Variants in IMMP2L observed in about 807,000 individuals in gnomAD.
IMMP2L encodes the protein inner mitochondrial membrane peptidase subunit 2.
Under a neutral mutation model 19.3 loss-of-function variants are expected in IMMP2L, and 18 were observed. The ratio of observed to expected loss-of-function variants is 0.93; its 90% CI spans 0.64 to 1.38. The LOEUF is 1.38. Among genes scored for constraint, IMMP2L ranks in the 40% most tolerant of loss-of-function variants. The pLI, the probability that IMMP2L is intolerant of heterozygous loss-of-function variation, is 0.00. For missense variants in IMMP2L, 233 were observed against 218.2 expected (o/e 1.07, Z -0.43); for synonymous variants, 76 against 73.0 (o/e 1.04, Z -0.21).
intron 4 of IMMP2L, among the ~76,000 whole-genome samples, chr7:110,961,954 A>C (rs963723651): frequency 6.6e-6 from 1 of 151,920 alleles, no homozygotes; most frequent in African/African-American, 2.4e-5. Flanking sequence ...GAACTTTTGA[A>C]GGTAACAGGT....
intron 5 of IMMP2L, among the ~76,000 whole-genome samples, chr7:110,754,406 C>A (rs1797919137): frequency 6.6e-6 from 1 of 151,988 alleles, no homozygotes; most frequent in African/African-American, 2.4e-5. Context: ...GTTTTTCTAT[C>A]TATGAATTGT....
chr7:110,743,420 A>G (rs1044872717), intron 5 of IMMP2L, among the ~76,000 whole-genome samples: 5 of 152,242 alleles, frequency 3.3e-5, no homozygotes, highest in African/African-American at 1.2e-4. Context: ...AGTTAATAAA[A>G]ATAAGATGTG....
intron 2 of IMMP2L, among the ~76,000 whole-genome samples, chr7:111,518,199 C>A (rs775726854): frequency 2.4e-4 from 37 of 152,132 alleles, no homozygotes; most frequent in Non-Finnish European, 4.4e-4. Context: ...ATAAGTATTT[C>A]TCATAGAGGG....
intron 5 of IMMP2L, among the ~76,000 whole-genome samples, chr7:110,704,317 G>C (rs770772625): frequency 2.3e-4 from 35 of 152,172 alleles, no homozygotes; most frequent in Non-Finnish European, 4.3e-4. Context: ...ACTTTAGGTT[G>C]AATAATTTCC....
chr7:111,524,410 A>T (rs1846639386), intron 1 of IMMP2L, among the ~76,000 whole-genome samples: 1 of 152,098 alleles, frequency 6.6e-6, no homozygotes, highest in Non-Finnish European at 1.5e-5. Context: ...TTCCTCTTTG[A>T]CCAGTTTGAT....
intron 2 of IMMP2L, among the ~76,000 whole-genome samples, chr7:111,510,020 A>C (rs1445745288): frequency 6.6e-6 from 1 of 152,154 alleles, no homozygotes; most frequent in Non-Finnish European, 1.5e-5. Flanking sequence ...ATTAATAATT[A>C]GAGGGCAGTA....
At chr7:111,106,311 G>GACA (rs1289804329) in intron 3 of IMMP2L, among the ~76,000 whole-genome samples, 1 of 151,902 alleles carries the variant, frequency 6.6e-6, no homozygotes, top group Non-Finnish European at 1.5e-5. Flanking sequence ...TGGCAAGTTT[G>GACA]ACAACTTTTC....
At chr7:111,404,329 T>C (rs1418912886) in intron 3 of IMMP2L, among the ~76,000 whole-genome samples, 1 of 152,112 alleles carries the variant, frequency 6.6e-6, no homozygotes, top group Non-Finnish European at 1.5e-5. Context: ...CAGCTGTCAC[T>C]GTAATTACAA....
At chr7:111,032,158 C>T (rs1393202812) in intron 3 of IMMP2L, among the ~76,000 whole-genome samples, 1 of 152,074 alleles carries the variant, frequency 6.6e-6, no homozygotes, top group Non-Finnish European at 1.5e-5. Context: ...CTAGGCAGAT[C>T]TCAAACTTCT....
intron 5 of IMMP2L, among the ~76,000 whole-genome samples, chr7:110,722,571 A>T (rs146319490): frequency 0.012 from 1,787 of 152,234 alleles, 24 homozygotes; most frequent in South Asian, 0.048. Context: ...TCTCCACATA[A>T]AAGTTGGATC....
At chr7:111,497,693 T>A (rs1269587587) in intron 2 of IMMP2L, among the ~76,000 whole-genome samples, 1 of 151,994 alleles carries the variant, frequency 6.6e-6, no homozygotes, top group Non-Finnish European at 1.5e-5. Flanking sequence ...AAATGCAAAC[T>A]TCAAAGTCAG....
intron 3 of IMMP2L, among the ~76,000 whole-genome samples, chr7:111,258,800 C>G (rs1708828956): frequency 2.6e-5 from 4 of 152,186 alleles, no homozygotes; most frequent in African/African-American, 9.6e-5. Context: ...GCCACCGTGC[C>G]TAGCCAGAAA....
intron 3 of IMMP2L, among the ~76,000 whole-genome samples, chr7:111,294,233 A>G (rs376821006): frequency 6.6e-6 from 1 of 151,910 alleles, no homozygotes; most frequent in Admixed American, 6.6e-5. Context: ...TAACAAAAGT[A>G]TATTGATTTG....
At chr7:111,193,372 G>A (rs1190529219) in intron 3 of IMMP2L, among the ~76,000 whole-genome samples, 4 of 152,062 alleles carry the variant, frequency 2.6e-5, no homozygotes, top group Non-Finnish European at 5.9e-5. Flanking sequence ...TGGATAAATA[G>A]ATAAACAATC....
At chr7:111,398,707 A>G (rs1273999207) in intron 3 of IMMP2L, among the ~76,000 whole-genome samples, 3 of 152,026 alleles carry the variant, frequency 2.0e-5, no homozygotes, top group Admixed American at 2.0e-4. Flanking sequence ...TGAAAACATG[A>G]TCATTTACCT....
chr7:110,965,130 A>G (rs1410815693), intron 3 of IMMP2L, among the ~76,000 whole-genome samples: 1 of 152,088 alleles, frequency 6.6e-6, no homozygotes, highest in Non-Finnish European at 1.5e-5. Context: ...AATATGGTCA[A>G]TTTCCTGCCA....
chr7:111,560,821 A>T (rs1177170853), intron 1 of IMMP2L, among the ~76,000 whole-genome samples: 2 of 152,224 alleles, frequency 1.3e-5, no homozygotes, highest in Admixed American at 1.3e-4. Flanking sequence ...CATTATCAAT[A>T]AACAATCACT....
chr7:111,251,612 A>T (rs1257062912), intron 3 of IMMP2L, among the ~76,000 whole-genome samples: 1 of 152,186 alleles, frequency 6.6e-6, no homozygotes, highest in African/African-American at 2.4e-5. Flanking sequence ...ATGGAGCTGG[A>T]AGCAGTTATC....
intron 3 of IMMP2L, among the ~76,000 whole-genome samples, chr7:111,317,574 A>C (rs1824242896): frequency 1.3e-5 from 2 of 152,138 alleles, no homozygotes; most frequent in African/African-American, 4.8e-5. Context: ...AAAGGTCTAA[A>C]AATTAAAGGC....
Sources: allele counts gnomAD v4.1 joint callset (sites outside exome capture counted in the v4.1 genomes callset), GRCh38; gene constraint gnomAD v4.1.1; transcripts MANE v1.5; gene names NCBI Gene and HGNC (gene_info 2026-07-23, HGNC 2026-07-21).